Variants in FSIP2 observed in about 807,000 individuals in gnomAD.
The protein encoded by FSIP2 is fibrous sheath-interacting protein 2.
In FSIP2, 367 loss-of-function variants were observed where a neutral mutation model predicts 510.5. The observed-to-expected ratio is 0.72, with a 90% CI of 0.66 to 0.78. The LOEUF (loss-of-function observed/expected upper bound fraction) is 0.78. Ranked by LOEUF, FSIP2 falls within the 30% of genes least tolerant of loss-of-function variation. The pLI is 0.00. For synonymous variants in FSIP2, 2,601 were observed against 2,732.2 expected, an observed-to-expected ratio of 0.95 and a Z score of 1.50; for missense variants, 7,594 against 7,901.7, an observed-to-expected ratio of 0.96 and a Z score of 1.48.
intron 8 of FSIP2, among the ~76,000 whole-genome samples, chr2:185,754,889 C>T (rs748211890): frequency 6.6e-6 from 1 of 151,500 alleles, no homozygotes; most frequent in Non-Finnish European, 1.5e-5. Flanking sequence ...GAAGATAATA[C>T]TCCTAGATAA....
Position 185,808,964 on chromosome 2 carries a change from A to C in FSIP2, c.19658A>C (p.Lys6553Thr). Residue 6553 changes from lysine to threonine, a missense_variant, in exon 17 of 23, where the codon AAA becomes ACA. Physicochemically the swap from Lys to Thr is moderately conservative, Grantham distance 78. Coordinates refer to ENST00000424728, the MANE Select transcript of FSIP2 (RefSeq NM_173651.4). ...VISIKTQPLEKLKQECLKRTG... is the reference protein window; with the variant it reads ...VISIKTQPLETLKQECLKRTG... ...TCTATAAAAACTCAACCTCTTGAGAAACTTAAGCAGGAGTGTTTGAAAAGA... is the reference window on the plus strand; with the variant it reads ...TCTATAAAAACTCAACCTCTTGAGACACTTAAGCAGGAGTGTTTGAAAAGA... 22 of 1,610,148 alleles carry C rather than the reference A, an allele frequency of 1.4e-5. No individual in the cohort carries two copies. The highest frequency in any genetic ancestry group is 1.8e-5 in the Non-Finnish European group (21 of 1,178,892).
chr2:185,778,875 C>A (rs1692782585), intron 13 of FSIP2, among the ~76,000 whole-genome samples: 1 of 151,924 alleles, frequency 6.6e-6, no homozygotes, highest in Non-Finnish European at 1.5e-5. Context: ...CTTGCAAACT[C>A]CTTAATGTAG....
intron 19 of FSIP2, among the ~76,000 whole-genome samples, chr2:185,820,176 A>G (rs186712487): frequency 1.3e-5 from 2 of 152,028 alleles, no homozygotes; most frequent in African/African-American, 4.8e-5. Context: ...GATTACTCCT[A>G]TGCTGCTTTT....
intron 3 of FSIP2, among the ~76,000 whole-genome samples, chr2:185,743,923 C>T (rs1691975408): frequency 6.6e-6 from 1 of 152,108 alleles, no homozygotes; most frequent in Non-Finnish European, 1.5e-5. Context: ...CAGCCTGGAC[C>T]TCCTGGGCTA....
At position 185,831,886 on chromosome 2, in the gene FSIP2, C is replaced by T. The variant is rs768475415; in HGVS notation, c.20587+4C>T. ...CCCTCAAAGGAAGTCATTTCAGGTA[C>T]AAAATGTACTATTTTAACAACTGGT... On this transcript the variant is annotated splice_donor_region_variant and intron_variant, in intron 22 of 22. Transcript: ENST00000424728. The T allele has an allele frequency of 1.3e-6, 2 of 1,555,976 alleles. No homozygotes were observed. The highest frequency in any genetic ancestry group is 8.9e-7 in the Non-Finnish European group (1 of 1,128,322).
intron 3 of FSIP2, among the ~76,000 whole-genome samples, 172 bp from the exon 4 acceptor site, chr2:185,744,150 G>A (rs1691979479): frequency 6.6e-6 from 1 of 151,956 alleles, no homozygotes; most frequent in Non-Finnish European, 1.5e-5. Flanking sequence ...TTACTTACAA[G>A]ATTGTTAGCA....
At position 185,807,537 on chromosome 2, in the gene FSIP2, T is replaced by G; in HGVS notation, c.18231T>G (p.Asp6077Glu). 6.2e-7 allele frequency: 1 copy of G among 1,611,346 alleles called. No individual in the cohort carries two copies. ...IQYVETLQSD[D>E]DEIIQLVVQS... is the part of the protein sequence containing the mutation. ...ATGTAGAAACCTTACAATCTGATGA[T>G]GATGAAATTATTCAATTAGTGGTTC... Residue 6077 changes from aspartate (D) to glutamate (E), a missense_variant, in exon 17 of 23, where the codon GAT becomes GAG. Transcript: ENST00000424728.
intron 20 of FSIP2, among the ~76,000 whole-genome samples, chr2:185,826,280 C>A (rs1054727595): frequency 6.6e-6 from 1 of 151,784 alleles, no homozygotes; most frequent in African/African-American, 2.4e-5. Context: ...CAATGGCTTA[C>A]AAAACCCTAA....
chr2:185,806,133 AAAG>A lies in FSIP2; in HGVS notation c.16832_16834del (p.Lys5611del), dbSNP rs1693569220. On this transcript the variant is annotated inframe_deletion, in exon 17 of 23. Coordinates refer to ENST00000424728, the MANE Select transcript of FSIP2 (RefSeq NM_173651.4). ...GATCAGATTCTGAAATAGGCTATAA[AAAG>A]AAGATTGACAATGCAAGGGAAAGCT... The A allele has an allele frequency of 6.3e-7, 1 of 1,575,320 alleles. No individual in the cohort carries two copies. Among genetic ancestry groups the A allele is most frequent in the Non-Finnish European group, 8.6e-7 (1 of 1,167,762 alleles).
intron 14 of FSIP2, among the ~76,000 whole-genome samples, chr2:185,784,571 T>TCAAA (rs1692925019): frequency 6.6e-6 from 1 of 152,090 alleles, no homozygotes. Flanking sequence ...AATTTATTTA[T>TCAAA]CAAACATTTA....
At chr2:185,776,269 C>G (rs146812571) in intron 13 of FSIP2, among the ~76,000 whole-genome samples, 2,042 of 151,986 alleles carry the variant, frequency 0.013, 27 homozygotes, top group Non-Finnish European at 0.019. Flanking sequence ...GACTCCATCT[C>G]AAAAATTAAA....
At position 185,740,963 on chromosome 2, in the gene FSIP2, A is replaced by C. The variant is rs574691265; in HGVS notation, c.225+1492A>C. Among the ~76,000 whole-genome samples, 4 of 151,928 alleles carry C rather than the reference A, an allele frequency of 2.6e-5. No individual in the cohort carries two copies. In the East Asian group the frequency reaches 7.7e-4, roughly 29 times the overall value. On this transcript the variant is annotated intron_variant, in intron 2 of 22. Coordinates refer to ENST00000424728, the MANE Select transcript of FSIP2 (RefSeq NM_173651.4). Reference sequence around the variant, plus strand: ...ACAAGTTTTGTTTCTGAAAAAAAGTATAATTGCTCTTTAAAAAAAACTAAT... The same window carrying C: ...ACAAGTTTTGTTTCTGAAAAAAAGTCTAATTGCTCTTTAAAAAAAACTAAT...
chr2:185,747,686 C>G (rs1022481016), intron 7 of FSIP2, among the ~76,000 whole-genome samples: 2 of 151,952 alleles, frequency 1.3e-5, no homozygotes, highest in East Asian at 3.9e-4. Flanking sequence ...AATTAAATGA[C>G]TGATTAACTT....
Position 185,813,997 on chromosome 2 carries a change from G to A in FSIP2, c.20280G>A (p.Met6760Ile). 1.2e-6 allele frequency: 2 copies of A among 1,613,228 alleles called. No homozygotes were observed. The highest frequency in any genetic ancestry group is 2.2e-5 in the South Asian group (2 of 91,028). The part of the protein sequence containing the change: ...AELDMATPKT[M>I]PETASSSWEE... Reference sequence around the variant, plus strand: ...TTGACATGGCCACACCAAAGACGATGCCTGAAACAGCCTCTTCATCTTGGG... The same window carrying A: ...TTGACATGGCCACACCAAAGACGATACCTGAAACAGCCTCTTCATCTTGGG... Residue 6760 changes from methionine to isoleucine, a missense_variant, in exon 18 of 23, where the codon ATG becomes ATA. Physicochemically the swap from Met to Ile is conservative, Grantham distance 10. Transcript: ENST00000424728.
chr2:185,775,824 C>T (rs1692704675), intron 13 of FSIP2, among the ~76,000 whole-genome samples: 1 of 152,096 alleles, frequency 6.6e-6, no homozygotes, highest in Admixed American at 6.5e-5. Context: ...CCACCATACT[C>T]AGCTAATTTT....
In FSIP2 at chr2:185,763,190, A is replaced by C. The variant is rs1015488797; in HGVS notation, c.1248A>C (p.Ile416=). Residue 416 remains isoleucine, a synonymous_variant, in exon 12 of 23, where the codon ATA becomes ATC. Transcript: ENST00000424728. ...TATCTCTTCTTTCTCTAGGAGGTAT[A>C]AATATTTCAGGCCAAGGTTCAATTA... ...NSSIFDDRGG[I]NISGQGSIIS... is the part of the protein sequence containing the mutation. 2 of 1,416,746 alleles carry C rather than the reference A, an allele frequency of 1.4e-6. No homozygotes were observed. The highest frequency in any genetic ancestry group is 1.9e-6 in the Non-Finnish European group (2 of 1,038,914). 87.8% of individuals were successfully genotyped at this position (1,416,746 alleles called of 1,614,324 possible).
At position 185,794,072 on chromosome 2, in the gene FSIP2, G is replaced by C; in HGVS notation, c.6936G>C (p.Leu2312=). The change falls in exon 16 of 23, where the codon CTG becomes CTC. Residue 2312 remains leucine, a synonymous_variant. Transcript: ENST00000424728. The stretch of plus-strand genomic sequence containing the variant: ...AAGTGGAATCAGATGTAAATGTCCT[G>C]AAAATATCAGCAACTGAAACCATTC... ...SSQVESDVNV[L]KISATETILS... 6.5e-7 allele frequency: 1 copy of C among 1,531,276 alleles called. No homozygotes were observed. The highest frequency in any genetic ancestry group is 8.7e-7 in the Non-Finnish European group (1 of 1,143,692). 94.9% of individuals were successfully genotyped at this position (1,531,276 alleles called of 1,614,324 possible). A position where few individuals can be genotyped will look rare whatever the true frequency, so the allele number is the denominator to read the frequency against.
chr2:185,740,178 T>C (rs1691896230), intron 2 of FSIP2, among the ~76,000 whole-genome samples: 1 of 152,174 alleles, frequency 6.6e-6, no homozygotes, highest in Admixed American at 6.5e-5. Context: ...TACCTTGTCT[T>C]CTTCTCCCCA....
chr2:185,756,226 T>C lies in FSIP2; in HGVS notation c.1026T>C (p.Asp342=). Reference sequence around the variant, plus strand: ...AGAATAAAAAGAAGACTTCTGAAGATATAATGTTAGTTTATCCTGCTGGAG... The same window carrying C: ...AGAATAAAAAGAAGACTTCTGAAGACATAATGTTAGTTTATCCTGCTGGAG... ...SPKNKKKTSE[D]IMLVYPAGDQ... is the part of the protein sequence containing the mutation. The change falls in exon 9 of 23, where the codon GAT becomes GAC. Residue 342 remains aspartate, a synonymous_variant. Coordinates refer to ENST00000424728, the MANE Select transcript of FSIP2 (RefSeq NM_173651.4). 2 of 1,334,128 alleles carry C rather than the reference T, an allele frequency of 1.5e-6. No individual in the cohort carries two copies. The highest frequency in any genetic ancestry group is 1.4e-5 in the South Asian group (1 of 72,980). 82.6% of individuals were successfully genotyped at this position (1,334,128 alleles called of 1,614,324 possible).
Sources: allele counts gnomAD v4.1 joint callset (sites outside exome capture counted in the v4.1 genomes callset), GRCh38; gene constraint gnomAD v4.1.1; transcripts MANE v1.5; gene names NCBI Gene and HGNC (gene_info 2026-07-23, HGNC 2026-07-21).